DOCK2: variants seen among roughly 807,000 people sequenced by gnomAD.
The protein encoded by DOCK2 is dedicator of cytokinesis protein 2.
A neutral mutation model predicts 248.9 loss-of-function variants in DOCK2; 87 were observed. That is an observed-to-expected ratio of 0.35 (90% CI 0.29 to 0.42). The LOEUF is 0.42. Ranked by LOEUF, DOCK2 falls within the 10% of genes least tolerant of loss-of-function variation. The pLI, the probability that DOCK2 is intolerant of heterozygous loss-of-function variation, is 1.00. For synonymous variants in DOCK2, 805 were observed against 821.6 expected (o/e 0.98, Z 0.35); for missense variants, 1,747 against 2,300.2 (o/e 0.76, Z 4.92).
At chr5:169,882,440 G>A (rs1267938337) in intron 27 of DOCK2, 1 of 850,480 alleles carries the variant, frequency 1.2e-6, no homozygotes, top group Non-Finnish European at 1.8e-6. Flanking sequence ...AAACAACAGT[G>A]CTTCAAACAT....
intron 2 of DOCK2, among the ~76,000 whole-genome samples, chr5:169,661,409 ACCATAT>A (rs1758440688): frequency 6.6e-6 from 1 of 152,196 alleles, no homozygotes; most frequent in African/African-American, 2.4e-5. Flanking sequence ...GAAACAAATG[ACCATAT>A]CCATCATCTC....
At chr5:169,729,257 T>C (rs1030006294) in intron 22 of DOCK2, among the ~76,000 whole-genome samples, 3 of 152,224 alleles carry the variant, frequency 2.0e-5, no homozygotes, top group African/African-American at 7.2e-5. Context: ...TAAGTGCAAT[T>C]GGTATGACTA....
At chr5:169,701,506 T>C (rs1177881474) in intron 13 of DOCK2, among the ~76,000 whole-genome samples, 1 of 152,064 alleles carries the variant, frequency 6.6e-6, no homozygotes, top group African/African-American at 2.4e-5. Flanking sequence ...ATTCCTTTTT[T>C]TTTTTCTTTT....
intron 25 of DOCK2, among the ~76,000 whole-genome samples, chr5:169,781,397 C>A (rs1486242217): frequency 1.3e-5 from 2 of 152,184 alleles, no homozygotes; most frequent in Admixed American, 6.5e-5. Context: ...AGCAGTGTGA[C>A]CTTGGACAAA....
At chr5:169,874,406 G>C (rs1245714017) in intron 27 of DOCK2, among the ~76,000 whole-genome samples, 1 of 82,700 alleles carries the variant, frequency 1.2e-5, no homozygotes, top group Non-Finnish European at 2.2e-5. Context: ...GTGAGACTCT[G>C]TCTCAAAAAA....
chr5:169,717,382 A>C lies in DOCK2; in HGVS notation c.2032-2A>C, dbSNP rs1761961738. The C allele has an allele frequency of 1.2e-6, 2 of 1,613,600 alleles. No homozygotes were observed. The highest frequency in any genetic ancestry group is 1.7e-6 in the Non-Finnish European group (2 of 1,179,554). On this transcript the variant is annotated splice_acceptor_variant, in intron 20 of 51. Transcript: ENST00000520908. LOFTEE classifies it high-confidence loss of function. ...AATACTGCTGCCTTGCATCTTCCTC[A>C]GATTTACATAATAGGACTCATTGCA... is the stretch of plus-strand genomic sequence containing the variant.
chr5:169,881,346 G>T (rs1180330027), intron 27 of DOCK2: 3 of 1,547,264 alleles, frequency 1.9e-6, no homozygotes, highest in Admixed American at 2.0e-5. Context: ...CTACAGAGCA[G>T]GCCTCGCTTG....
intron 5 of DOCK2, among the ~76,000 whole-genome samples, chr5:169,673,033 CAGA>C (rs1407979845): frequency 6.6e-6 from 1 of 152,154 alleles, no homozygotes; most frequent in African/African-American, 2.4e-5. Flanking sequence ...GAGTTTTAAT[CAGA>C]GTTTCATTAC....
chr5:169,958,962 C>A (rs1191823991), intron 27 of DOCK2, among the ~76,000 whole-genome samples: 4 of 152,152 alleles, frequency 2.6e-5, no homozygotes, highest in African/African-American at 9.7e-5. Flanking sequence ...GAGGCAGGTT[C>A]CTAGAATCCA....
intron 27 of DOCK2, among the ~76,000 whole-genome samples, chr5:169,897,909 C>T (rs943406385): frequency 6.6e-6 from 1 of 152,178 alleles, no homozygotes; most frequent in African/African-American, 2.4e-5. Flanking sequence ...AGATGAACAA[C>T]TCTAATAAAA....
At position 169,716,284 on chromosome 5, in the gene DOCK2, C is replaced by T; in HGVS notation, c.2013C>T (p.Ile671=). Residue 671 remains isoleucine, a synonymous_variant, in exon 20 of 52, where the codon ATC becomes ATT. Transcript: ENST00000520908. Reference sequence around the variant, plus strand: ...ATTCTCAAAGTGATGAATATGACATCCTCGTCTTTGATGCCTTGGTAAGAG... The same window carrying T: ...ATTCTCAAAGTGATGAATATGACATTCTCGTCTTTGATGCCTTGGTAAGAG... The part of the protein sequence containing the change: ...MEHSQSDEYD[I]LVFDALIYII... 1.9e-6 allele frequency: 3 copies of T among 1,613,614 alleles called. No individual in the cohort carries two copies. The highest frequency in any genetic ancestry group is 1.7e-4 in the Middle Eastern group (1 of 6,056).
intron 43 of DOCK2, 193 bp from the exon 44 acceptor site, chr5:170,057,387 C>T: frequency 1.5e-6 from 1 of 650,334 alleles, no homozygotes; most frequent in Non-Finnish European, 2.8e-6. Flanking sequence ...GGAGAGCTTA[C>T]ACTTAATGTT....
In DOCK2 at chr5:169,889,713, T is replaced by C. The variant is rs181709084; in HGVS notation, c.2799+48861T>C. The stretch of plus-strand genomic sequence containing the variant: ...CTGTTGCAACCATTCAGATCTGCCA[T>C]TGTGGCAAGAAATAAGTCATAGACA... On this transcript the variant is annotated intron_variant, in intron 27 of 51. Coordinates refer to ENST00000520908, the MANE Select transcript of DOCK2 (RefSeq NM_004946.3). Among the ~76,000 whole-genome samples, 306 of 152,362 alleles carry C rather than the reference T, an allele frequency of 2.0e-3. 1 individual carries two copies. The highest frequency in any genetic ancestry group is 6.9e-3 in the African/African-American group (287 of 41,578).
In DOCK2 at chr5:170,019,212, G is replaced by T. The variant is rs139850730; in HGVS notation, c.3381+104G>T. The T allele has an allele frequency of 1.9e-6, 3 of 1,545,922 alleles. No individual in the cohort carries two copies. The African/African-American group carries it at 4.1e-5, about 21-fold the overall frequency. On this transcript the variant is annotated intron_variant, in intron 33 of 51. Transcript: ENST00000520908. ...CTCCCTGAGCTTCATTGAGAGGCTC[G>T]GCGGCAGGATAGGGACATTTATTCA...
intron 27 of DOCK2, among the ~76,000 whole-genome samples, chr5:169,850,798 C>G (rs1770580983): frequency 6.6e-6 from 1 of 152,164 alleles, no homozygotes; most frequent in Non-Finnish European, 1.5e-5. Flanking sequence ...GGACGGAAGT[C>G]ATTTATCAAG....
At chr5:170,061,822 G>T (rs1757337383) in intron 44 of DOCK2, among the ~76,000 whole-genome samples, 1 of 152,210 alleles carries the variant, frequency 6.6e-6, no homozygotes, top group Non-Finnish European at 1.5e-5. Flanking sequence ...ATGCAGGTGT[G>T]TTGCTGGGCT....
At chr5:170,007,571 G>A (rs757055031) in intron 30 of DOCK2, among the ~76,000 whole-genome samples, 4 of 152,150 alleles carry the variant, frequency 2.6e-5, no homozygotes, top group African/African-American at 4.8e-5. Flanking sequence ...CCGAGGCTCC[G>A]TGATGAATCC....
At chr5:169,699,680 C>A (rs1760846789) in intron 12 of DOCK2, among the ~76,000 whole-genome samples, 2 of 152,184 alleles carry the variant, frequency 1.3e-5, no homozygotes, top group South Asian at 4.1e-4. Context: ...TTGATACATC[C>A]TGAATATCTC....
chr5:170,027,973 G>C, intron 34 of DOCK2, 25 bp downstream of exon 34: 1 of 1,597,678 alleles, frequency 6.3e-7, no homozygotes, highest in Non-Finnish European at 8.5e-7. Flanking sequence ...CTGTGTGTAG[G>C]AACAGCCTGT....
Sources: gnomAD v4.1 joint callset for allele counts (sites outside exome capture counted in the v4.1 genomes callset) on GRCh38, gnomAD v4.1.1 for gene constraint, MANE v1.5 for transcripts, NCBI Gene and HGNC (gene_info 2026-07-23, HGNC 2026-07-21) for gene names.